Variants in GPR153 observed in about 807,000 individuals in gnomAD.
GPR153 encodes probable G protein-coupled receptor 153.
GPR153 carries 27 observed loss-of-function variants against 34.1 expected under a neutral mutation model. The observed-to-expected ratio is 0.79, with a 90% confidence interval of 0.58 to 1.09. The LOEUF is 1.09. GPR153 is among the 50% of genes least tolerant of loss of function. GPR153 has a pLI of 0.00. For missense variants in GPR153, 848 were observed against 860.2 expected, an observed-to-expected ratio of 0.99 and a Z score of 0.18; for synonymous variants, 408 against 405.4, an observed-to-expected ratio of 1.01 and a Z score of -0.08.
chr1:6,249,695 G>A lies in GPR153; in HGVS notation c.1473C>T (p.Pro491=), dbSNP rs1638392701. The change falls in exon 6 of 6, where the codon CCC becomes CCT. Residue 491 remains proline, a synonymous_variant. Coordinates refer to ENST00000377893, the MANE Select transcript of GPR153 (RefSeq NM_207370.4). The surrounding 1 kb of genome is among the most constrained non-coding windows in gnomAD (Gnocchi z 4.3). ...GSPRRRPGPG[P]RSASASLLPD... Reference sequence around the variant, plus strand: ...GCAGCAGCGAGGCCGAGGCGGAGCGGGGGCCGGGCCCGGGGCGGCGGCGCG... The same window carrying A: ...GCAGCAGCGAGGCCGAGGCGGAGCGAGGGCCGGGCCCGGGGCGGCGGCGCG... The A allele has an allele frequency of 9.6e-7, 1 of 1,043,834 alleles. No individual in the cohort carries two copies. The highest frequency in any genetic ancestry group is 1.1e-6 in the Non-Finnish European group (1 of 869,958). 64.7% of individuals were successfully genotyped at this position (1,043,834 alleles called of 1,614,324 possible).
chr1:6,254,339 T>A (rs983913314), intron 2 of GPR153, among the ~76,000 whole-genome samples, 192 bp from the exon 3 acceptor site: 3 of 152,164 alleles, frequency 2.0e-5, no homozygotes, highest in Non-Finnish European at 4.4e-5. Flanking sequence ...CACACGTCCC[T>A]CTTCCAAGCA....
intron 5 of GPR153, 119 bp from the exon 6 acceptor site, chr1:6,250,122 G>C: frequency 7.6e-7 from 1 of 1,316,898 alleles, no homozygotes; most frequent in Non-Finnish European, 9.7e-7. Flanking sequence ...CGCTGGGGCA[G>C]TCTGGCTGGG....
At chr1:6,260,335 C>G (rs1279260323) in intron 1 of GPR153, among the ~76,000 whole-genome samples, 5 of 149,140 alleles carry the variant, frequency 3.4e-5, no homozygotes, top group African/African-American at 1.2e-4. Context: ...CACGCCCCCC[C>G]CAGCCCCCGC....
rs1357099783 is a variant in GPR153, at chr1:6,249,258, G to A, written c.*80C>T. On this transcript the variant is annotated 3_prime_UTR_variant, in exon 6 of 6. Transcript: ENST00000377893. This position sits in a 1 kb window ranked among gnomAD's most constrained non-coding sequence, Gnocchi z 4.3. ...GGGGTGGCGCATGTCTGCGCGCGGG[G>A]CGGAGGCGGGCGTCTTTGGTGCTGC... is the stretch of plus-strand genomic sequence containing the variant. The A allele has an allele frequency of 1.8e-5, 19 of 1,047,534 alleles. No homozygotes were observed. Among genetic ancestry groups the A allele is most frequent in the Non-Finnish European group, 2.2e-5 (18 of 818,940 alleles). The allele number at this position is 1,047,534 out of a possible 1,614,324, so 64.9% of individuals were successfully genotyped here. A position where few individuals can be genotyped will look rare whatever the true frequency, so the allele number is the denominator to read the frequency against.
At chr1:6,250,913 G>GGGCT (rs1427387498) in intron 4 of GPR153, among the ~76,000 whole-genome samples, 1 of 152,206 alleles carries the variant, frequency 6.6e-6, no homozygotes, top group Non-Finnish European at 1.5e-5. Context: ...CACACGCAAG[G>GGGCT]GGCTGGCAGT....
In GPR153 at chr1:6,254,490, T is replaced by C; in HGVS notation, c.356+60A>G. 4 of 1,400,126 alleles carry C rather than the reference T, an allele frequency of 2.9e-6. No homozygotes were observed. The Admixed American group carries it at 6.6e-5, about 23-fold the overall frequency. 86.7% of individuals were successfully genotyped at this position (1,400,126 alleles called of 1,614,324 possible). ...CCTGTGTGCGCATGGGCACACCAGATATGTCTTTGTTTTCACGCCTGCTTA... is the reference window on the plus strand; with the variant it reads ...CCTGTGTGCGCATGGGCACACCAGACATGTCTTTGTTTTCACGCCTGCTTA... On this transcript the variant is annotated intron_variant, in intron 2 of 5. Coordinates refer to ENST00000377893, the MANE Select transcript of GPR153 (RefSeq NM_207370.4).
At chr1:6,253,047 G>C (rs1230152050) in intron 3 of GPR153, among the ~76,000 whole-genome samples, 1 of 152,094 alleles carries the variant, frequency 6.6e-6, no homozygotes, top group Non-Finnish European at 1.5e-5. Flanking sequence ...TCCATCCTGG[G>C]ACCTGGACCC....
At chr1:6,252,108 C>G (rs1638461011) in intron 3 of GPR153, among the ~76,000 whole-genome samples, 1 of 152,316 alleles carries the variant, frequency 6.6e-6, no homozygotes, top group South Asian at 2.1e-4. Flanking sequence ...CCCAGGATAG[C>G]CCTCGTTGCT....
Position 6,256,410 on chromosome 1 carries a change from G to A in GPR153, c.-109-1396C>T, listed in dbSNP as rs1369034566. Among the ~76,000 whole-genome samples the A allele has an allele frequency of 6.3e-5, 9 of 143,462 alleles. 1 individual carries two copies. The highest frequency in any genetic ancestry group is 2.2e-4 in the South Asian group (1 of 4,596). 94.1% of individuals were successfully genotyped at this position (143,462 alleles called of 152,430 possible). A position where few individuals can be genotyped will look rare whatever the true frequency, so the allele number is the denominator to read the frequency against. Reference sequence around the variant, plus strand: ...TTTTTAGACAGAGTCTTGCTCTGTCGCCCAGGCTGGAGTGCAGTGGCACCA... The same window carrying A: ...TTTTTAGACAGAGTCTTGCTCTGTCACCCAGGCTGGAGTGCAGTGGCACCA... On this transcript the variant is annotated intron_variant, in intron 1 of 5. Transcript: ENST00000377893.
chr1:6,249,507 G>C lies in GPR153; in HGVS notation c.1661C>G (p.Ala554Gly). ...AQRSPGPRPS[A>G]HSHAGSLRPG... ...GCGCAGAGAGCCGGCGTGCGAGTGC[G>C]CAGAGGGGCGTGGCCCTGGGCTCCG... is the stretch of plus-strand genomic sequence containing the variant. Residue 554 changes from alanine (A) to glycine (G), a missense_variant, in exon 6 of 6, where the codon GCG becomes GGG. By Grantham distance (60) the Ala-to-Gly change is moderately conservative. Transcript: ENST00000377893. The surrounding 1 kb of genome is among the most constrained non-coding windows in gnomAD (Gnocchi z 4.3). 8.0e-7 allele frequency: 1 copy of C among 1,248,502 alleles called. No individual in the cohort carries two copies. The highest frequency in any genetic ancestry group is 3.1e-4 in the Middle Eastern group (1 of 3,218). The allele number at this position is 1,248,502 out of a possible 1,614,324, so 77.3% of individuals were successfully genotyped here. A position where few individuals can be genotyped will look rare whatever the true frequency, so the allele number is the denominator to read the frequency against.
chr1:6,257,274 A>G (rs1638587290), intron 1 of GPR153, among the ~76,000 whole-genome samples: 1 of 152,182 alleles, frequency 6.6e-6, no homozygotes, highest in African/African-American at 2.4e-5. Flanking sequence ...ACGTAAGGAC[A>G]TGTCCCGGAA....
Position 6,250,518 on chromosome 1 carries a change from C to T in GPR153, c.1086G>A (p.Glu362=). ...GCAGGCCCCCCTCCAGGGCGGAGATCTCATACTTGGCCATCCTATCTAGGG... is the reference window on the plus strand; with the variant it reads ...GCAGGCCCCCCTCCAGGGCGGAGATTTCATACTTGGCCATCCTATCTAGGG... The part of the protein sequence containing the change: ...FVALDRMAKY[E]ISALEGGLPQ... Residue 362 remains glutamate (E), a synonymous_variant, in exon 5 of 6, where the codon GAG becomes GAA. Coordinates refer to ENST00000377893, the MANE Select transcript of GPR153 (RefSeq NM_207370.4). 1 of 1,609,338 alleles carries T rather than the reference C, an allele frequency of 6.2e-7. No homozygotes were observed. Among genetic ancestry groups the T allele is most frequent in the Admixed American group, 1.7e-5 (1 of 59,546 alleles).
intron 3 of GPR153, among the ~76,000 whole-genome samples, chr1:6,253,257 C>T (rs1456568649): frequency 6.6e-6 from 1 of 152,102 alleles, no homozygotes; most frequent in South Asian, 2.1e-4. Flanking sequence ...ATTAGCCAGG[C>T]GTGGCAGCGG....
rs1188386203 is a variant in GPR153, at chr1:6,251,038, G to A, written c.979+300C>T. Among the ~76,000 whole-genome samples the A allele has an allele frequency of 6.6e-6, 1 of 152,168 alleles. No homozygotes were observed. Among genetic ancestry groups the A allele is most frequent in the Admixed American group, 6.5e-5 (1 of 15,290 alleles). On this transcript the variant is annotated intron_variant, in intron 4 of 5. Transcript: ENST00000377893. The surrounding 1 kb of genome is among the most constrained non-coding windows in gnomAD (Gnocchi z 4.9). ...CAGCTTGCTGGGGATCCCTGAGGTTGGGGGGTGAGCCCAGGAGCTCCGCTG... is the reference window on the plus strand; with the variant it reads ...CAGCTTGCTGGGGATCCCTGAGGTTAGGGGGTGAGCCCAGGAGCTCCGCTG...
rs111809364 is a variant in GPR153, at chr1:6,253,914, T to C, written c.590A>G (p.Gln197Arg). Residue 197 changes from glutamine to arginine, a missense_variant, in exon 3 of 6, where the codon CAG (glutamine) becomes CGG (arginine). Coordinates refer to ENST00000377893, the MANE Select transcript of GPR153 (RefSeq NM_207370.4). ...GVICTAIALF[Q>R]TLAVQVGRQA... ...GCGCCCCACCTGCACGGCCAGCGTCTGGAAGAGGGCGATGGCTGTGCAGAT... is the reference window on the plus strand; with the variant it reads ...GCGCCCCACCTGCACGGCCAGCGTCCGGAAGAGGGCGATGGCTGTGCAGAT... The C allele has an allele frequency of 6.2e-7, 1 of 1,610,540 alleles. No homozygotes were observed. The highest frequency in any genetic ancestry group is 8.5e-7 in the Non-Finnish European group (1 of 1,178,856).
In GPR153 at chr1:6,249,738, TCGCGGGCTCCC is replaced by T; in HGVS notation, c.1419_1429del (p.Gly474LeufsTer228). 9.4e-7 allele frequency: 1 copy of T among 1,067,618 alleles called. No homozygotes were observed. Among genetic ancestry groups the T allele is most frequent in the Non-Finnish European group, 1.1e-6 (1 of 885,928 alleles). 66.1% of individuals were successfully genotyped at this position (1,067,618 alleles called of 1,614,324 possible). ...GCGGCGCGGGCTGCCGGGGGGCGAG[TCGCGGGCTCCC>T]CGCGGGCCGCTATCCAGGGCCGAGG... On this transcript the variant is annotated frameshift_variant, in exon 6 of 6. Transcript: ENST00000377893. LOFTEE classifies it low-confidence loss of function (END_TRUNC). The surrounding 1 kb of genome is among the most constrained non-coding windows in gnomAD (Gnocchi z 4.3).
In GPR153 at chr1:6,254,831, A is replaced by T. The variant is rs748807133; in HGVS notation, c.75T>A (p.Asn25Lys). Residue 25 changes from asparagine to lysine, a missense_variant, in exon 2 of 6, where the codon AAT (asparagine) becomes AAA (lysine). Physicochemically the swap from Asn to Lys is moderately conservative, Grantham distance 94. Coordinates refer to ENST00000377893, the MANE Select transcript of GPR153 (RefSeq NM_207370.4). Reference sequence around the variant, plus strand: ...CGCCAACGCTGAGGATGCCCCAGGCATTGGCCAGCAGGGAGAGGCCCCCAC... The same window carrying T: ...CGCCAACGCTGAGGATGCCCCAGGCTTTGGCCAGCAGGGAGAGGCCCCCAC... ...LVCGGLSLLA[N>K]AWGILSVGAK... 6 of 1,611,060 alleles carry T rather than the reference A, an allele frequency of 3.7e-6. No individual in the cohort carries two copies. In the African/African-American group the frequency reaches 8.0e-5, roughly 22 times the overall value.
At chr1:6,250,825 G>A (rs1223409850) in intron 4 of GPR153, among the ~76,000 whole-genome samples, 2 of 152,228 alleles carry the variant, frequency 1.3e-5, no homozygotes, top group African/African-American at 4.8e-5. Context: ...AGACTGGGCA[G>A]GGAGGTCACT....
chr1:6,250,743 G>C, intron 4 of GPR153, 119 bp from the exon 5 acceptor site: 1 of 606,946 alleles, frequency 1.6e-6, no homozygotes, highest in South Asian at 2.0e-5. Context: ...ACAAGGTAGG[G>C]GGCTGGTTAG....
Sources: gnomAD v4.1 joint callset for allele counts (sites outside exome capture counted in the v4.1 genomes callset) on GRCh38, gnomAD v4.1.1 for gene constraint, Gnocchi (gnomAD v3.1) non-coding constraint, MANE v1.5 for transcripts, NCBI Gene and HGNC (gene_info 2026-07-23, HGNC 2026-07-21) for gene names.